Variants in FAM193A observed in about 807,000 individuals in gnomAD.
The protein encoded by FAM193A is protein FAM193A.
FAM193A carries 22 observed loss-of-function variants against 126.5 expected under a neutral mutation model. The ratio of observed to expected loss-of-function variants is 0.17; its 90% CI spans 0.12 to 0.25. The LOEUF (loss-of-function observed/expected upper bound fraction) is 0.25, where lower values mean the gene tolerates loss of function less well. FAM193A is among the 10% of genes least tolerant of loss of function. The probability of loss-of-function intolerance (pLI) is 1.00; values close to 1 mark genes in which losing one functional copy is unlikely to be tolerated. For synonymous variants in FAM193A, 761 were observed against 646.8 expected (o/e 1.18, Z -2.68); for missense variants, 1,675 against 1,672.8 (o/e 1.00, Z -0.02).
chr4:2,554,845 T>C (rs2108828082), intron 1 of FAM193A, among the ~76,000 whole-genome samples: 1 of 152,354 alleles, frequency 6.6e-6, no homozygotes, highest in East Asian at 1.9e-4. Context: ...GGTAGTTTGC[T>C]TGTCTCTAAA....
intron 15 of FAM193A, among the ~76,000 whole-genome samples, chr4:2,691,218 T>C (rs1172245355): frequency 6.6e-6 from 1 of 152,202 alleles, no homozygotes; most frequent in Non-Finnish European, 1.5e-5. Context: ...TCTGTTTCTG[T>C]TCTTCTGTGA....
intron 9 of FAM193A, 35 bp downstream of exon 9, chr4:2,659,705 C>A: frequency 6.2e-7 from 1 of 1,610,508 alleles, no homozygotes; most frequent in Non-Finnish European, 8.5e-7. Flanking sequence ...ACGACTGGCC[C>A]ATTGGACCTT....
intron 1 of FAM193A, among the ~76,000 whole-genome samples, chr4:2,553,604 C>T (rs1344038839): frequency 1.3e-5 from 2 of 152,110 alleles, no homozygotes; most frequent in Admixed American, 6.6e-5. Context: ...TGGTCTCCAT[C>T]TCTTTACCTC....
At chr4:2,641,513 G>A (rs1055510073) in intron 6 of FAM193A, among the ~76,000 whole-genome samples, 4 of 151,934 alleles carry the variant, frequency 2.6e-5, no homozygotes, top group African/African-American at 9.7e-5. Context: ...AAATTAGCCG[G>A]GCGTAGTGGC....
rs779015963 is a variant in FAM193A, at chr4:2,625,337, G to A, written c.577G>A (p.Gly193Ser). The A allele has an allele frequency of 2.3e-5, 16 of 702,870 alleles. No homozygotes were observed. The South Asian group carries it at 2.4e-4, about 10-fold the overall frequency. The allele number at this position is 702,870 out of a possible 1,614,324, so 43.5% of individuals were successfully genotyped here. ...EAGSGGRLALGAQTLPSDTAC... is the reference protein window; with the variant it reads ...EAGSGGRLALSAQTLPSDTAC... The stretch of plus-strand genomic sequence containing the variant: ...CGGCAGTGGTGGGAGGCTCGCTCTG[G>A]GTGCACAGACGCTGCCTTCAGACAC... The change falls in exon 3 of 21, where the codon GGT becomes AGT. Residue 193 changes from glycine (G) to serine (S), a missense_variant. Gly to Ser is a moderately conservative substitution (Grantham distance 56). Transcript: ENST00000637812.
chr4:2,731,900 G>T lies in FAM193A; in HGVS notation c.*32G>T. The T allele has an allele frequency of 6.6e-7, 1 of 1,521,852 alleles. No homozygotes were observed. Among genetic ancestry groups the T allele is most frequent in the Non-Finnish European group, 9.1e-7 (1 of 1,096,924 alleles). The allele number at this position is 1,521,852 out of a possible 1,614,324, so 94.3% of individuals were successfully genotyped here. On this transcript the variant is annotated 3_prime_UTR_variant, in exon 21 of 21. Transcript: ENST00000637812. ...ACTCCCTGGAGAGGGACACGCGAGA[G>T]GCAGGCCAGGCTGCACCACCCCAAG...
chr4:2,550,959 C>T (rs896513888), intron 1 of FAM193A, among the ~76,000 whole-genome samples: 7 of 152,002 alleles, frequency 4.6e-5, no homozygotes, highest in Admixed American at 2.0e-4. Flanking sequence ...CGCCACCACA[C>T]CTGGGTAATT....
At chr4:2,689,747 T>C (rs774630582) in intron 14 of FAM193A, 43 bp downstream of exon 14, 2 of 1,377,248 alleles carry the variant, frequency 1.5e-6, no homozygotes, top group Admixed American at 4.7e-5. Flanking sequence ...TAAAATAACC[T>C]GAGTAGACTG....
At chr4:2,681,415 T>C (rs1043607579) in intron 13 of FAM193A, among the ~76,000 whole-genome samples, 1 of 152,170 alleles carries the variant, frequency 6.6e-6, no homozygotes, top group Non-Finnish European at 1.5e-5. Context: ...TTCTAATTCA[T>C]TAAGATGTGA....
chr4:2,613,774 CT>C (rs71634684), intron 2 of FAM193A, among the ~76,000 whole-genome samples: 79,758 of 123,496 alleles, frequency 0.65, 24,283 homozygotes, highest in African/African-American at 0.76. Flanking sequence ...TTTTCTTTTT[CT>C]TTTTTTTTTG....
At chr4:2,725,952 G>A (rs977722958) in intron 20 of FAM193A, among the ~76,000 whole-genome samples, 1 of 151,884 alleles carries the variant, frequency 6.6e-6, no homozygotes, top group Non-Finnish European at 1.5e-5. Context: ...AGGCTGGAGT[G>A]CAGTGGCGCG....
upstream of FAM193A, among the ~76,000 whole-genome samples, chr4:2,536,063 G>C (rs1363176917): frequency 1.3e-5 from 2 of 152,110 alleles, no homozygotes; most frequent in South Asian, 2.1e-4. Flanking sequence ...CAAGGTCACC[G>C]GGCGTTCCTG....
chr4:2,566,234 A>C (rs1186334294), intron 1 of FAM193A, among the ~76,000 whole-genome samples: 1 of 152,000 alleles, frequency 6.6e-6, no homozygotes, highest in African/African-American at 2.4e-5. Flanking sequence ...TTTTTAGTAG[A>C]GATGGGGTTT....
At chr4:2,655,217 T>A in intron 7 of FAM193A, 1 of 550,088 alleles carries the variant, frequency 1.8e-6, no homozygotes, top group East Asian at 2.9e-5. Flanking sequence ...TTATTTCTAG[T>A]TGATTTAGGC....
At chr4:2,558,569 A>G (rs1272250718) in intron 1 of FAM193A, among the ~76,000 whole-genome samples, 1 of 151,984 alleles carries the variant, frequency 6.6e-6, no homozygotes, top group South Asian at 2.1e-4. Context: ...TCTGGGGGGG[A>G]TGAGATCTTG....
At chr4:2,584,609 G>A (rs1740131852) in intron 1 of FAM193A, among the ~76,000 whole-genome samples, 1 of 152,118 alleles carries the variant, frequency 6.6e-6, no homozygotes, top group African/African-American at 2.4e-5. Flanking sequence ...CTCGATTACA[G>A]TTTCCTTTCT....
In FAM193A at chr4:2,693,615, G is replaced by T; in HGVS notation, c.2833G>T (p.Asp945Tyr). ...GDVFHGISKE[D>Y]HRHSAPAAPR... ...CGTGTTTCATGGCATCAGCAAGGAG[G>T]ACCACAGACACTCGGCCCCAGCCGC... The change falls in exon 16 of 21, where the codon GAC (aspartate) becomes TAC (tyrosine). Residue 945 changes from aspartate (D) to tyrosine (Y), a missense_variant. By Grantham distance (160) the Asp-to-Tyr change is radical. Around this residue, in one of 4 missense-constraint regions of FAM193A, gnomAD observed 1,186 missense variants for 1,109.2 expected, o/e 1.07. Transcript: ENST00000637812. 6.2e-7 allele frequency: 1 copy of T among 1,613,678 alleles called. No individual in the cohort carries two copies. Among genetic ancestry groups the T allele is most frequent in the Non-Finnish European group, 8.5e-7 (1 of 1,179,704 alleles).
rs572669789 is a variant in FAM193A at position 2,616,753 on chromosome 4, C to T, written c.502-8509C>T. Among the ~76,000 whole-genome samples, 15 of 151,798 alleles carry T rather than the reference C, an allele frequency of 9.9e-5. No individual in the cohort carries two copies. The South Asian group carries it at 2.7e-3, about 27-fold the overall frequency. On this transcript the variant is annotated intron_variant, in intron 2 of 20. Coordinates refer to ENST00000637812, the MANE Select transcript of FAM193A (RefSeq NM_001366318.2). Reference sequence around the variant, plus strand: ...TTTGTTTTTGTATTTTTAGTAGAGACGGGGTTTCACCATGTTATTAGCCAG... The same window carrying T: ...TTTGTTTTTGTATTTTTAGTAGAGATGGGGTTTCACCATGTTATTAGCCAG...
At position 2,659,917 on chromosome 4, in the gene FAM193A, T is replaced by C. The variant is rs980150320; in HGVS notation, c.1608T>C (p.Asp536=). 1.2e-6 allele frequency: 2 copies of C among 1,614,184 alleles called. No homozygotes were observed. The highest frequency in any genetic ancestry group is 1.7e-6 in the Non-Finnish European group (2 of 1,180,042). The change falls in exon 10 of 21, where the codon GAT becomes GAC. Residue 536 remains aspartate (D), a synonymous_variant. Transcript: ENST00000637812. ...TTCACCAGCTCCCACTTCAAGTGGA[T>C]CCTGCTCCTGACTATCTTGCTGAGA... The part of the protein sequence containing the change: ...IHIHQLPLQV[D]PAPDYLAERS...
Sources: allele counts gnomAD v4.1 joint callset (sites outside exome capture counted in the v4.1 genomes callset), GRCh38; gene constraint gnomAD v4.1.1; regional missense constraint gnomAD v4.1.1; transcripts MANE v1.5; gene names NCBI Gene and HGNC (gene_info 2026-07-23, HGNC 2026-07-21).